CSMD3: variants seen among roughly 807,000 people sequenced by gnomAD.
The protein encoded by CSMD3 is CUB and sushi domain-containing protein 3.
CSMD3 carries 177 observed loss-of-function variants against 435.2 expected under a neutral mutation model. The observed-to-expected ratio is 0.41, with a 90% CI of 0.36 to 0.46. CSMD3 has a LOEUF of 0.46. CSMD3 is among the 20% of genes least tolerant of loss of function. The pLI, the probability that CSMD3 is intolerant of heterozygous loss-of-function variation, is 0.34. For synonymous variants in CSMD3, 1,656 were observed against 1,520.5 expected, an observed-to-expected ratio of 1.09 and a Z score of -2.07; for missense variants, 4,265 against 4,504.6, an observed-to-expected ratio of 0.95 and a Z score of 1.52.
chr8:112,336,925 G>T (rs937412289), intron 43 of CSMD3, 96 bp from the exon 44 acceptor site: 2 of 1,042,390 alleles, frequency 1.9e-6, no homozygotes, highest in Non-Finnish European at 2.9e-6. Flanking sequence ...TAAGCATTAT[G>T]AAACACATTT....
At chr8:112,829,602 C>T (rs528208515) in intron 12 of CSMD3, 84 bp downstream of exon 12, 45 of 774,646 alleles carry the variant, frequency 5.8e-5, no homozygotes, top group Middle Eastern at 2.2e-4. Flanking sequence ...GTAGTGGGAG[C>T]GATCAATGTA....
chr8:113,017,832 C>T (rs976918182), intron 6 of CSMD3, among the ~76,000 whole-genome samples: 4 of 151,930 alleles, frequency 2.6e-5, no homozygotes, highest in African/African-American at 9.7e-5. Flanking sequence ...ATTCAAGTTA[C>T]CATGCCTAAA....
intron 4 of CSMD3, among the ~76,000 whole-genome samples, chr8:113,124,142 T>G (rs750734915): frequency 1.6e-4 from 24 of 151,960 alleles, no homozygotes; most frequent in Non-Finnish European, 2.4e-4. Flanking sequence ...TTTATATTAA[T>G]GTCATAGGAA....
chr8:112,517,371 A>G (rs1354563351), intron 27 of CSMD3, 146 bp from the exon 28 acceptor site: 1 of 621,586 alleles, frequency 1.6e-6, no homozygotes. Flanking sequence ...TATTTTAAAT[A>G]ATTTATGTGC....
Position 113,355,769 on chromosome 8 carries a change from G to C in CSMD3, c.179-40976C>G, listed in dbSNP as rs1387191243. Among the ~76,000 whole-genome samples, 26 of 74,478 alleles carry C rather than the reference G, an allele frequency of 3.5e-4. 1 individual carries two copies. In the South Asian group the frequency reaches 0.015, roughly 44 times the overall value. The allele number at this position is 74,478 out of a possible 152,430, so 48.9% of individuals were successfully genotyped here. ...ATATATACACACACACACACACACG[G>C]GGTGTGTGTGTGTGTGTGTGTGTGT... On this transcript the variant is annotated intron_variant, in intron 1 of 70. Coordinates refer to ENST00000297405, the MANE Select transcript of CSMD3 (RefSeq NM_198123.2).
At chr8:112,811,251 T>C (rs897357795) in intron 12 of CSMD3, among the ~76,000 whole-genome samples, 26 of 152,038 alleles carry the variant, frequency 1.7e-4, no homozygotes, top group Middle Eastern at 3.4e-3. Flanking sequence ...TAAGTATAAA[T>C]GCAAATCTTT....
At position 113,143,228 on chromosome 8, in the gene CSMD3, T is replaced by C. The variant is rs138183619; in HGVS notation, c.709+30494A>G. 2.1e-4 allele frequency among the ~76,000 whole-genome samples: 32 copies of C among 151,570 alleles called. No individual in the cohort carries two copies. In the East Asian group the frequency reaches 6.2e-3, roughly 30 times the overall value. On this transcript the variant is annotated intron_variant, in intron 4 of 70. Coordinates refer to ENST00000297405, the MANE Select transcript of CSMD3 (RefSeq NM_198123.2). ...TAAACACACAAAAAGGTGTTAGACATCATTAGCCATTTGGGAAAAGCAAAT... is the reference window on the plus strand; with the variant it reads ...TAAACACACAAAAAGGTGTTAGACACCATTAGCCATTTGGGAAAAGCAAAT...
At chr8:112,718,476 A>G in intron 13 of CSMD3, among the ~76,000 whole-genome samples, 1 of 151,444 alleles carries the variant, frequency 6.6e-6, no homozygotes, top group Non-Finnish European at 1.5e-5. Context: ...TTTTATATGA[A>G]CAATTCCTGT....
intron 1 of CSMD3, among the ~76,000 whole-genome samples, chr8:113,409,079 CTTTTTTTTTTT>C (rs1218107775): frequency 4.0e-5 from 4 of 99,068 alleles, no homozygotes; most frequent in East Asian, 3.5e-4. Flanking sequence ...TCTTCTTCTT[CTTTTTTTTTTT>C]TTTTTTTTTT....
intron 3 of CSMD3, among the ~76,000 whole-genome samples, chr8:113,250,629 C>T (rs1206448718): frequency 6.6e-6 from 1 of 151,814 alleles, no homozygotes; most frequent in Non-Finnish European, 1.5e-5. Flanking sequence ...GGAGATGGGG[C>T]CAAACAGACA....
chr8:112,288,152 A>T (rs1819399550), intron 57 of CSMD3, among the ~76,000 whole-genome samples: 1 of 151,262 alleles, frequency 6.6e-6, no homozygotes, highest in African/African-American at 2.4e-5. Context: ...TTTTCATGTG[A>T]TGTAAAATTA....
intron 3 of CSMD3, among the ~76,000 whole-genome samples, chr8:113,272,365 G>A (rs537562300): frequency 6.6e-6 from 1 of 152,288 alleles, no homozygotes; most frequent in South Asian, 2.1e-4. Flanking sequence ...TTGTGGGAGG[G>A]ACCCAGTGGG....
intron 5 of CSMD3, among the ~76,000 whole-genome samples, chr8:113,038,591 C>T (rs558955020): frequency 6.6e-5 from 10 of 152,254 alleles, no homozygotes; most frequent in African/African-American, 2.2e-4. Context: ...TTCTTTTATA[C>T]TCTCAGTGAG....
intron 35 of CSMD3, among the ~76,000 whole-genome samples, chr8:112,403,924 TA>T (rs1831547400): frequency 6.6e-6 from 1 of 152,206 alleles, no homozygotes; most frequent in African/African-American, 2.4e-5. Context: ...TGTTTTAAAT[TA>T]TTTTTTGTAA....
intron 6 of CSMD3, among the ~76,000 whole-genome samples, chr8:112,995,447 C>G (rs537323582): frequency 6.6e-6 from 1 of 151,480 alleles, no homozygotes; most frequent in Admixed American, 6.6e-5. Flanking sequence ...AACCATAGTT[C>G]TAGTATCAGA....
At chr8:112,499,938 G>A (rs1382228890) in intron 30 of CSMD3, among the ~76,000 whole-genome samples, 2 of 151,870 alleles carry the variant, frequency 1.3e-5, no homozygotes, top group African/African-American at 4.8e-5. Context: ...GTGAAACCCC[G>A]TCTCTACTAA....
chr8:113,369,812 G>C (rs553747836), intron 1 of CSMD3, among the ~76,000 whole-genome samples: 6 of 151,952 alleles, frequency 3.9e-5, no homozygotes, highest in African/African-American at 1.4e-4. Context: ...GTCACAGAAA[G>C]ACAAATACAA....
At chr8:112,401,954 C>T (rs1293451921) in intron 35 of CSMD3, among the ~76,000 whole-genome samples, 1 of 152,108 alleles carries the variant, frequency 6.6e-6, no homozygotes, top group African/African-American at 2.4e-5. Context: ...TAGTATCAAA[C>T]ACTTGATCAG....
chr8:113,349,554 G>A (rs571592963), intron 1 of CSMD3, among the ~76,000 whole-genome samples: 2 of 152,176 alleles, frequency 1.3e-5, no homozygotes, highest in South Asian at 4.1e-4. Flanking sequence ...GATTGAGGCA[G>A]GAGGATCGCT....
Sources: gnomAD v4.1 joint callset for allele counts (sites outside exome capture counted in the v4.1 genomes callset) on GRCh38, gnomAD v4.1.1 for gene constraint, MANE v1.5 for transcripts, NCBI Gene and HGNC (gene_info 2026-07-23, HGNC 2026-07-21) for gene names.